Variants in TAF4 observed in about 807,000 individuals in gnomAD.
TAF4 encodes transcription initiation factor TFIID subunit 4.
A neutral mutation model predicts 90.3 loss-of-function variants in TAF4; 9 were observed. That is an observed-to-expected ratio of 0.10 (90% CI 0.06 to 0.17). The LOEUF (loss-of-function observed/expected upper bound fraction) is 0.17. TAF4 is among the 10% of genes least tolerant of loss of function. The pLI is 1.00. For missense variants in TAF4, 1,351 were observed against 1,370.7 expected (o/e 0.99, Z 0.23); for synonymous variants, 818 against 638.9 (o/e 1.28, Z -4.23).
Position 62,062,960 on chromosome 20 carries a change from G to C in TAF4, c.1360+1491C>G, listed in dbSNP as rs28381998. Among the ~76,000 whole-genome samples, 1,050 of 152,276 alleles carry C rather than the reference G, an allele frequency of 6.9e-3. 3 individuals are homozygous for C. The highest frequency in any genetic ancestry group is 0.013 in the South Asian group (61 of 4,822). ...AAGCATTGTGACAGTTTACATAATAGATCACAGCCATCAAACATCTTTTTA... is the reference window on the plus strand; with the variant it reads ...AAGCATTGTGACAGTTTACATAATACATCACAGCCATCAAACATCTTTTTA... On this transcript the variant is annotated intron_variant, in intron 1 of 14. Coordinates refer to ENST00000252996, the MANE Select transcript of TAF4 (RefSeq NM_003185.4).
Position 61,975,657 on chromosome 20 carries a change from G to A in TAF4, c.*511C>T. 6.5e-6 allele frequency: 1 copy of A among 153,952 alleles called. No individual in the cohort carries two copies. Among genetic ancestry groups the A allele is most frequent in the African/African-American group, 2.5e-5 (1 of 40,712 alleles). The allele number at this position is 153,952 out of a possible 1,614,324, so 9.5% of individuals were successfully genotyped here. ...GCGGAGTGGAGGGGAAGGGAGGGGA[G>A]GGGAGGGCAGGGGGCAGAGAGGAGA... On this transcript the variant is annotated 3_prime_UTR_variant, in exon 15 of 15. Coordinates refer to ENST00000252996, the MANE Select transcript of TAF4 (RefSeq NM_003185.4).
At chr20:61,986,604 G>A (rs2077484638) in intron 14 of TAF4, among the ~76,000 whole-genome samples, 1 of 152,284 alleles carries the variant, frequency 6.6e-6, no homozygotes, top group South Asian at 2.1e-4. Flanking sequence ...AAGATGTGCT[G>A]GAACATTCTG....
Position 62,012,904 on chromosome 20 carries a change from C to G in TAF4, c.1552G>C (p.Val518Leu), listed in dbSNP as rs771639356. The G allele has an allele frequency of 6.2e-7, 1 of 1,613,986 alleles. No homozygotes were observed. Among genetic ancestry groups the G allele is most frequent in the Non-Finnish European group, 8.5e-7 (1 of 1,180,030 alleles). Reference sequence around the variant, plus strand: ...TGCTTAATTATGGTAGTTGGGGTCACCTGCCGTGCAATGATAGGTGTTCCA... The same window carrying G: ...TGCTTAATTATGGTAGTTGGGGTCAGCTGCCGTGCAATGATAGGTGTTCCA... ...APGTPIIARQ[V>L]TPTTIIKQVS... is the part of the protein sequence containing the mutation. The change falls in exon 3 of 15, where the codon GTG becomes CTG. Residue 518 changes from valine (V) to leucine (L), a missense_variant. By Grantham distance (32) the Val-to-Leu change is conservative. Transcript: ENST00000252996.
At position 62,012,801 on chromosome 20, in the gene TAF4, G is replaced by C. The variant is rs370626590; in HGVS notation, c.1641+14C>G. On this transcript the variant is annotated intron_variant, in intron 3 of 14. Coordinates refer to ENST00000252996, the MANE Select transcript of TAF4 (RefSeq NM_003185.4). Reference sequence around the variant, plus strand: ...CCCCTGCAGCCTCAAGAGATCCGCCGCCTGCCCTCTCACCTGGACGCCGGG... The same window carrying C: ...CCCCTGCAGCCTCAAGAGATCCGCCCCCTGCCCTCTCACCTGGACGCCGGG... The C allele has an allele frequency of 5.0e-6, 8 of 1,605,788 alleles. 1 individual carries two copies. The highest frequency in any genetic ancestry group is 6.8e-6 in the Non-Finnish European group (8 of 1,177,580).
At chr20:62,042,089 G>A (rs912539057) in intron 1 of TAF4, among the ~76,000 whole-genome samples, 18 of 152,174 alleles carry the variant, frequency 1.2e-4, no homozygotes, top group African/African-American at 4.1e-4. Context: ...CTGTTTCCGC[G>A]CCCAAATGTT....
intron 1 of TAF4, among the ~76,000 whole-genome samples, chr20:62,045,781 C>T (rs1303738311): frequency 6.6e-6 from 1 of 152,192 alleles, no homozygotes; most frequent in Non-Finnish European, 1.5e-5. Flanking sequence ...AACTCTTTCT[C>T]GTCTAATCCA....
At chr20:62,046,888 C>G (rs1384595896) in intron 1 of TAF4, among the ~76,000 whole-genome samples, 2 of 152,180 alleles carry the variant, frequency 1.3e-5, no homozygotes, top group African/African-American at 4.8e-5. Flanking sequence ...CTATTCAAAC[C>G]TTCTGCCCAT....
intron 12 of TAF4, among the ~76,000 whole-genome samples, chr20:61,998,563 C>G (rs1176017399): frequency 6.6e-6 from 1 of 152,236 alleles, no homozygotes; most frequent in Non-Finnish European, 1.5e-5. Context: ...AAAGCAAGTG[C>G]TCCTCCCACT....
intron 14 of TAF4, among the ~76,000 whole-genome samples, chr20:61,984,269 A>T (rs1268989116): frequency 6.6e-6 from 1 of 152,106 alleles, no homozygotes; most frequent in African/African-American, 2.4e-5. Flanking sequence ...CTATGACAAC[A>T]CACGTGGGAC....
chr20:62,032,222 T>A (rs932886356), intron 1 of TAF4, among the ~76,000 whole-genome samples: 1 of 152,146 alleles, frequency 6.6e-6, no homozygotes, highest in African/African-American at 2.4e-5. Flanking sequence ...CGGCTCTGCT[T>A]TTCTGAGAGG....
At chr20:62,000,431 A>G in intron 10 of TAF4, 121 bp downstream of exon 10, 8 of 1,413,058 alleles carry the variant, frequency 5.7e-6, no homozygotes, top group Non-Finnish European at 7.7e-6. Context: ...ACCAGCAACC[A>G]TGTGGAAATC....
At chr20:62,038,318 T>C (rs62207124) in intron 1 of TAF4, among the ~76,000 whole-genome samples, 2 of 151,476 alleles carry the variant, frequency 1.3e-5, no homozygotes, top group South Asian at 2.1e-4. Context: ...TGTGCCACCA[T>C]GCCCAGCTAA....
chr20:62,061,353 C>T (rs957848028), intron 1 of TAF4, among the ~76,000 whole-genome samples: 1 of 152,224 alleles, frequency 6.6e-6, no homozygotes, highest in Non-Finnish European at 1.5e-5. Context: ...AGTACTCATC[C>T]TAAAACATGC....
intron 1 of TAF4, among the ~76,000 whole-genome samples, chr20:62,020,280 G>T (rs968760336): frequency 6.6e-6 from 1 of 152,100 alleles, no homozygotes; most frequent in Admixed American, 6.5e-5. Flanking sequence ...CTCTGCCGGT[G>T]GGGGGGCTCT....
Position 62,065,846 on chromosome 20 carries a change from G to C in TAF4, c.-36C>G. On this transcript the variant is annotated 5_prime_UTR_variant, in exon 1 of 15. Transcript: ENST00000252996. ...CGGCCGCCGCCGCCGCCGCCGCTCG[G>C]GCCGAGCGCGCCTGGGCGAGGAGGA... The C allele has an allele frequency of 8.1e-7, 1 of 1,227,464 alleles. No individual in the cohort carries two copies. The highest frequency in any genetic ancestry group is 1.6e-5 in the African/African-American group (1 of 61,246). 76.0% of individuals were successfully genotyped at this position (1,227,464 alleles called of 1,614,324 possible). A position where few individuals can be genotyped will look rare whatever the true frequency, so the allele number is the denominator to read the frequency against.
intron 1 of TAF4, among the ~76,000 whole-genome samples, chr20:62,029,989 G>C (rs2055895756): frequency 6.6e-6 from 1 of 152,222 alleles, no homozygotes; most frequent in African/African-American, 2.4e-5. Context: ...AGGAAGAACA[G>C]TGCGCCGCAG....
Position 62,064,802 on chromosome 20 carries a change from C to A in TAF4, c.1009G>T (p.Ala337Ser). Reference sequence around the variant, plus strand: ...TCGGCCTTGACCCCCGGCGCCGGCGCCGCAGCCGCCGCGCCGGGCCCGGGT... The same window carrying A: ...TCGGCCTTGACCCCCGGCGCCGGCGACGCAGCCGCCGCGCCGGGCCCGGGT... ...GQPGPGAAAA[A>S]PAPGVKAESP... Residue 337 changes from alanine to serine, a missense_variant, in exon 1 of 15, where the codon GCG (alanine) becomes TCG (serine). Transcript: ENST00000252996. 1.0e-6 allele frequency: 1 copy of A among 997,880 alleles called. No individual in the cohort carries two copies. The allele number at this position is 997,880 out of a possible 1,614,324, so 61.8% of individuals were successfully genotyped here.
At chr20:61,978,609 G>A (rs1270794649) in intron 14 of TAF4, among the ~76,000 whole-genome samples, 19 of 150,360 alleles carry the variant, frequency 1.3e-4, no homozygotes, top group Admixed American at 9.9e-4. Context: ...AGGAGGGGGC[G>A]AGACCAACCA....
chr20:62,024,799 G>A (rs1481528307), intron 1 of TAF4, among the ~76,000 whole-genome samples: 1 of 152,050 alleles, frequency 6.6e-6, no homozygotes, highest in Non-Finnish European at 1.5e-5. Context: ...GAACCCAGGA[G>A]GCGGAGCTTA....
Sources: allele counts gnomAD v4.1 joint callset (sites outside exome capture counted in the v4.1 genomes callset), GRCh38; gene constraint gnomAD v4.1.1; transcripts MANE v1.5; gene names NCBI Gene and HGNC (gene_info 2026-07-23, HGNC 2026-07-21).